Variants in DMD observed in about 807,000 individuals in gnomAD.
DMD encodes the protein dystrophin, also known as mutant dystrophin.
A neutral mutation model predicts 330.1 loss-of-function variants in DMD; 63 were observed. The observed-to-expected ratio is 0.19, with a 90% confidence interval of 0.16 to 0.24. The LOEUF (loss-of-function observed/expected upper bound fraction) is 0.24, where lower values mean the gene tolerates loss of function less well. Among genes scored for constraint, DMD ranks in the 10% least tolerant of loss-of-function variants. The pLI is 1.00. For synonymous variants in DMD, 1,223 were observed against 959.8 expected, an observed-to-expected ratio of 1.27 and a Z score of -5.07; for missense variants, 3,344 against 2,684.1, an observed-to-expected ratio of 1.25 and a Z score of -5.43.
intron 28 of DMD, 23 bp downstream of exon 28, chrX:32,441,157 A>C (rs770973753): frequency 6.7e-6 from 8 of 1,202,508 alleles, no homozygotes; most frequent in Non-Finnish European, 9.0e-6. Flanking sequence ...AATTATCATC[A>C]TTTGGCTTAA....
chrX:32,227,958 T>C (rs975670016), intron 43 of DMD, among the ~76,000 whole-genome samples: 24 of 111,135 alleles, frequency 2.2e-4, no homozygotes, highest in Admixed American at 2.1e-3. Context: ...GAGGACTTTT[T>C]GATCTGAAAG....
intron 47 of DMD, among the ~76,000 whole-genome samples, chrX:31,878,275 C>T (rs999953480): frequency 2.1e-4 from 24 of 111,829 alleles, no homozygotes; most frequent in Non-Finnish European, 3.8e-4. Flanking sequence ...ACATTTACCT[C>T]ATGCTATTTA....
intron 74 of DMD, among the ~76,000 whole-genome samples, chrX:31,166,647 C>T (rs967126876): frequency 2.7e-5 from 3 of 111,400 alleles, no homozygotes; most frequent in Admixed American, 9.6e-5. Context: ...TTAAGCAACA[C>T]TGAATTCAAG....
At chrX:32,111,215 A>T (rs1418428427) in intron 44 of DMD, among the ~76,000 whole-genome samples, 1 of 112,087 alleles carries the variant, frequency 8.9e-6, no homozygotes, top group Non-Finnish European at 1.9e-5. Flanking sequence ...GAAAAAATAC[A>T]GTTTTAAAAG....
intron 44 of DMD, among the ~76,000 whole-genome samples, chrX:32,038,227 T>C (rs1182967394): frequency 9.0e-6 from 1 of 111,517 alleles, no homozygotes; most frequent in Non-Finnish European, 1.9e-5. Context: ...TTAAGACGGA[T>C]CTATCGACTG....
At chrX:31,475,504 T>C (rs1196286919) in intron 59 of DMD, among the ~76,000 whole-genome samples, 1 of 112,421 alleles carries the variant, frequency 8.9e-6, no homozygotes, top group Non-Finnish European at 1.9e-5. Context: ...CTACAGCCTA[T>C]CTATTGAGCA....
chrX:31,517,918 AACACACACAC>A (rs372551324), intron 55 of DMD, among the ~76,000 whole-genome samples: 134 of 89,633 alleles, frequency 1.5e-3, no homozygotes, highest in African/African-American at 4.9e-3. Context: ...CTGTGTTTCA[AACACACACAC>A]ACACACACAC....
intron 22 of DMD, among the ~76,000 whole-genome samples, chrX:32,471,745 T>C (rs141065036): frequency 0.024 from 2,706 of 111,806 alleles, 89 homozygotes; most frequent in African/African-American, 0.081. Context: ...CTGATATTCA[T>C]AGGAGTTCCT....
chrX:32,273,417 CA>C (rs200118314), intron 43 of DMD, among the ~76,000 whole-genome samples: 5 of 104,754 alleles, frequency 4.8e-5, no homozygotes, highest in African/African-American at 1.7e-4. Context: ...CACTCTCACT[CA>C]AAAAAAAATA....
intron 59 of DMD, among the ~76,000 whole-genome samples, chrX:31,476,441 T>A (rs1283370960): frequency 4.0e-5 from 4 of 99,694 alleles, no homozygotes; most frequent in Non-Finnish European, 8.0e-5. Flanking sequence ...ACACACATAC[T>A]TTACAGACAC....
At chrX:31,130,236 T>A (rs2034302892) in intron 77 of DMD, among the ~76,000 whole-genome samples, 1 of 112,235 alleles carries the variant, frequency 8.9e-6, no homozygotes, top group Admixed American at 9.4e-5. Flanking sequence ...ATCAGAGACT[T>A]ATGGACAAAT....
At chrX:33,032,526 A>G (rs1366065861) in intron 1 of DMD, among the ~76,000 whole-genome samples, 1 of 112,289 alleles carries the variant, frequency 8.9e-6, no homozygotes, top group Non-Finnish European at 1.9e-5. Context: ...TTCCATCATT[A>G]AATTTAAAAT....
chrX:31,977,485 A>G (rs1387909147), intron 44 of DMD, among the ~76,000 whole-genome samples: 1 of 111,316 alleles, frequency 9.0e-6, no homozygotes, highest in Non-Finnish European at 1.9e-5. Flanking sequence ...ACATCAATTA[A>G]TTGATTTTGA....
chrX:32,237,995 C>T (rs1176372170), intron 43 of DMD, among the ~76,000 whole-genome samples: 2 of 111,973 alleles, frequency 1.8e-5, no homozygotes, highest in African/African-American at 6.5e-5. Flanking sequence ...CATTCTTTGT[C>T]TTTCTTGGTT....
At chrX:32,385,157 T>C (rs2097949473) in intron 33 of DMD, among the ~76,000 whole-genome samples, 1 of 110,747 alleles carries the variant, frequency 9.0e-6, no homozygotes, top group Non-Finnish European at 1.9e-5. Flanking sequence ...TTCAAAAATA[T>C]TCTATAATGC....
At chrX:32,631,263 T>C (rs973985260) in intron 11 of DMD, among the ~76,000 whole-genome samples, 1 of 111,600 alleles carries the variant, frequency 9.0e-6, no homozygotes, top group South Asian at 3.8e-4. Flanking sequence ...ACGACTAGGA[T>C]TGTGTTGGGT....
intron 44 of DMD, among the ~76,000 whole-genome samples, chrX:32,005,879 C>T (rs1261270966): frequency 1.8e-5 from 2 of 111,336 alleles, no homozygotes; most frequent in Non-Finnish European, 3.8e-5. Flanking sequence ...ATACATGGTA[C>T]TATAAATAAT....
At chrX:33,271,832 G>T in intron 1 of DMD, among the ~76,000 whole-genome samples, 1 of 109,276 alleles carries the variant, frequency 9.2e-6, no homozygotes, top group East Asian at 2.9e-4. Context: ...AATGATTTAA[G>T]TTAAAACATG....
intron 7 of DMD, among the ~76,000 whole-genome samples, chrX:32,786,794 T>C (rs2075394434): frequency 8.9e-6 from 1 of 111,902 alleles, no homozygotes; most frequent in African/African-American, 3.2e-5. Context: ...TCCAACTCAC[T>C]AGCTGAGTGA....
Sources: gnomAD v4.1 joint callset for allele counts (sites outside exome capture counted in the v4.1 genomes callset) on GRCh38, gnomAD v4.1.1 for gene constraint, MANE v1.5 for transcripts, NCBI Gene and HGNC (gene_info 2026-07-23, HGNC 2026-07-21) for gene names.